The following INSL6 variants were observed in gnomAD, a reference collection of about 807,000 sequenced individuals.
INSL6 encodes the protein insulin-like peptide INSL6.
INSL6 carries 16 observed loss-of-function variants against 9.4 expected under a neutral mutation model. The observed-to-expected ratio is 1.70, with a 90% CI of 1.15 to 2.59. The LOEUF is 2.59. Among genes scored for constraint, INSL6 ranks in the 30% most tolerant of loss-of-function variants. INSL6 has a pLI of 0.00. For synonymous variants in INSL6, 154 were observed against 96.9 expected (o/e 1.59, Z -3.46); for missense variants, 391 against 257.3 (o/e 1.52, Z -3.56).
the INSL6 span, among the ~76,000 whole-genome samples, chr9:5,005,083 A>ATTTTTTTTTTT: frequency 5.0e-5 from 2 of 40,034 alleles, no homozygotes; most frequent in African/African-American, 1.0e-4. Flanking sequence ...TGCCTGGCTA[A>ATTTTTTTTTTT]TTTTTTTTTT....
the INSL6 span, among the ~76,000 whole-genome samples, chr9:5,014,291 A>C: frequency 6.6e-6 from 1 of 151,226 alleles, no homozygotes; most frequent in Non-Finnish European, 1.5e-5. Context: ...GGTGTGAGCC[A>C]CTGTACCCAG....
chr9:5,043,011 C>T, the INSL6 span, among the ~76,000 whole-genome samples: 2 of 152,204 alleles, frequency 1.3e-5, no homozygotes, highest in Non-Finnish European at 2.9e-5. Flanking sequence ...TGGCGTCGCG[C>T]GGCTCGGCCC....
At chr9:5,000,567 A>G in the INSL6 span, among the ~76,000 whole-genome samples, 2 of 152,184 alleles carry the variant, frequency 1.3e-5, no homozygotes, top group African/African-American at 4.8e-5. Context: ...AATGATTTTT[A>G]GGCTTTGTTA....
At chr9:5,102,802 T>A in the INSL6 span, among the ~76,000 whole-genome samples, 1 of 152,148 alleles carries the variant, frequency 6.6e-6, no homozygotes, top group South Asian at 2.1e-4. Flanking sequence ...CTAAGCTTCA[T>A]AAGTGAAGGA....
At chr9:5,185,196 A>C in intron 1 of INSL6, 118 bp downstream of exon 1, 1 of 1,247,656 alleles carries the variant, frequency 8.0e-7, no homozygotes, top group Non-Finnish European at 1.2e-6. Flanking sequence ...AATTTTTTAA[A>C]GAGCTGTGTA....
At chr9:5,077,398 T>C in the INSL6 span, 1 of 586,704 alleles carries the variant, frequency 1.7e-6, no homozygotes. Flanking sequence ...AAATTACATA[T>C]ATTTAATTAT....
At chr9:5,115,845 G>C in the INSL6 span, among the ~76,000 whole-genome samples, 1 of 152,062 alleles carries the variant, frequency 6.6e-6, no homozygotes, top group South Asian at 2.1e-4. Context: ...CTGATAAGTG[G>C]GAGTTGAACA....
At chr9:5,119,247 A>G (rs1823434340), downstream of INSL6, among the ~76,000 whole-genome samples, 1 of 152,098 alleles carries the variant, frequency 6.6e-6, no homozygotes, top group Non-Finnish European at 1.5e-5. Context: ...TAAATATATT[A>G]ATAATATGTG....
intron 2 of INSL6, among the ~76,000 whole-genome samples, chr9:5,142,535 G>A (rs1224562587): frequency 6.6e-6 from 1 of 152,176 alleles, no homozygotes; most frequent in Non-Finnish European, 1.5e-5. Context: ...TGCTAGTGAT[G>A]TTCTGCAAAT....
the INSL6 span, chr9:5,110,748 T>C: frequency 1.1e-5 from 4 of 372,248 alleles, no homozygotes; most frequent in African/African-American, 8.4e-5. Context: ...TTATTTTCTT[T>C]GCTCTGCGGA....
the INSL6 span, among the ~76,000 whole-genome samples, chr9:5,071,335 A>T: frequency 1.3e-5 from 2 of 152,184 alleles, no homozygotes; most frequent in Admixed American, 1.3e-4. Context: ...GTAGACCAAC[A>T]AACATCAAAA....
the INSL6 span, among the ~76,000 whole-genome samples, chr9:5,004,471 C>T: frequency 2.6e-5 from 4 of 152,048 alleles, no homozygotes; most frequent in Non-Finnish European, 5.9e-5. Context: ...AGATTTTCTT[C>T]TTTTTTTAAG....
chr9:5,105,236 A>G, the INSL6 span, among the ~76,000 whole-genome samples: 1 of 152,228 alleles, frequency 6.6e-6, no homozygotes, highest in African/African-American at 2.4e-5. Context: ...TCAATGTGCA[A>G]AAATCACAAG....
intron 1 of INSL6, among the ~76,000 whole-genome samples, chr9:5,184,189 T>A (rs371608935): frequency 4.6e-5 from 7 of 152,352 alleles, no homozygotes; most frequent in African/African-American, 1.7e-4. Flanking sequence ...ACAATGTGCA[T>A]TGTTTGACTT....
intron 2 of INSL6, among the ~76,000 whole-genome samples, chr9:5,133,783 CTT>C (rs1171910231): frequency 1.3e-5 from 2 of 151,970 alleles, no homozygotes; most frequent in African/African-American, 4.8e-5. Flanking sequence ...CAGAATGCCT[CTT>C]TTCCTCCAAA....
intron 2 of INSL6, among the ~76,000 whole-genome samples, chr9:5,150,309 C>T (rs1824685105): frequency 6.6e-6 from 1 of 152,098 alleles, no homozygotes; most frequent in Admixed American, 6.5e-5. Context: ...AAACATACAA[C>T]CTACAGAATG....
the INSL6 span, chr9:5,090,632 AATC>A: frequency 1.6e-5 from 25 of 1,529,338 alleles, no homozygotes; most frequent in South Asian, 2.1e-4. Context: ...GACATTAGGA[AATC>A]ATCTAGACGT....
the INSL6 span, among the ~76,000 whole-genome samples, chr9:5,035,340 T>C: frequency 6.6e-6 from 1 of 152,182 alleles, no homozygotes; most frequent in Non-Finnish European, 1.5e-5. Context: ...CTGAAACTAT[T>C]CCAATCAATA....
chr9:5,185,402 C>G lies in INSL6; in HGVS notation c.201G>C (p.Gln67His). 6.2e-7 allele frequency: 1 copy of G among 1,614,166 alleles called. No individual in the cohort carries two copies. The highest frequency in any genetic ancestry group is 8.5e-7 in the Non-Finnish European group (1 of 1,180,036). The change falls in exon 1 of 2, where the codon CAG becomes CAC. Residue 67 changes from glutamine to histidine, a missense_variant. By Grantham distance (24) the Gln-to-His change is conservative. Coordinates refer to ENST00000381641, the MANE Select transcript of INSL6 (RefSeq NM_007179.3). ...TGTAGGCTTCGACCTTCTCCGAGGC[C>G]TGTGCAATCAACCGTGAGAAAGGGG... ...EETPFSRLIA[Q>H]ASEKVEAYSP...
Sources: gnomAD v4.1 joint callset for allele counts (sites outside exome capture counted in the v4.1 genomes callset) on GRCh38, gnomAD v4.1.1 for gene constraint, MANE v1.5 for transcripts, NCBI Gene and HGNC (gene_info 2026-07-23, HGNC 2026-07-21) for gene names.